Variants in CMC2 observed in about 807,000 individuals in gnomAD.
The protein encoded by CMC2 is C-X9-C motif containing 2.
CMC2 carries 5 observed loss-of-function variants against 7.5 expected under a neutral mutation model. The observed-to-expected ratio is 0.66, with a 90% confidence interval of 0.35 to 1.40. The LOEUF (loss-of-function observed/expected upper bound fraction) is 1.40. Ranked by LOEUF, CMC2 falls within the 40% of genes most tolerant of loss-of-function variation. The pLI, the probability that CMC2 is intolerant of heterozygous loss-of-function variation, is 0.04. For missense variants in CMC2, 115 were observed against 92.3 expected, an observed-to-expected ratio of 1.25 and a Z score of -1.01; for synonymous variants, 37 against 31.4, an observed-to-expected ratio of 1.18 and a Z score of -0.60.
chr16:80,985,531 AT>A (rs1468553321), intron 2 of CMC2, among the ~76,000 whole-genome samples: 1 of 152,126 alleles, frequency 6.6e-6, no homozygotes, highest in Non-Finnish European at 1.5e-5. Flanking sequence ...TTTTAAAATA[AT>A]TTTTTCTTCA....
chr16:81,002,756 C>T (rs1043223375), intron 1 of CMC2, among the ~76,000 whole-genome samples: 12 of 152,314 alleles, frequency 7.9e-5, no homozygotes, highest in East Asian at 3.9e-4. Flanking sequence ...ACCAATAAAA[C>T]GTCTTCCCTT....
chr16:80,990,069 C>T (rs1012331678), intron 2 of CMC2, among the ~76,000 whole-genome samples: 1 of 150,744 alleles, frequency 6.6e-6, no homozygotes, highest in Admixed American at 6.7e-5. Context: ...TTTGAGTTTT[C>T]TTCCCAACTC....
intron 1 of CMC2, chr16:81,006,531 G>T (rs1295929463): frequency 5.2e-6 from 1 of 192,116 alleles, no homozygotes; most frequent in African/African-American, 2.4e-5. Context: ...GGCCACCAGC[G>T]TGTTCCAGCG....
At position 80,975,917 on chromosome 16, in the gene CMC2, G is replaced by A. The variant is rs1218581349; in HGVS notation, c.*176C>T. On this transcript the variant is annotated 3_prime_UTR_variant, in exon 4 of 4. Coordinates refer to ENST00000219400, the MANE Select transcript of CMC2 (RefSeq NM_020188.5). The stretch of plus-strand genomic sequence containing the variant: ...TGGTAAAGGGGAGACAGTACTAAAC[G>A]CCCTGCCCAACAAATACTCAGAATC... The A allele has an allele frequency of 3.5e-6, 2 of 574,390 alleles. No individual in the cohort carries two copies. Among genetic ancestry groups the A allele is most frequent in the Non-Finnish European group, 6.1e-6 (2 of 325,624 alleles). 35.6% of individuals were successfully genotyped at this position (574,390 alleles called of 1,614,324 possible).
chr16:80,988,652 A>G, intron 2 of CMC2: 1 of 696,234 alleles, frequency 1.4e-6, no homozygotes, highest in Non-Finnish European at 2.6e-6. Context: ...AAATTAGGAA[A>G]TTAACATTAA....
intron 2 of CMC2, among the ~76,000 whole-genome samples, chr16:80,984,570 C>G (rs1567513453): frequency 6.6e-6 from 1 of 152,064 alleles, no homozygotes; most frequent in East Asian, 1.9e-4. Flanking sequence ...ACTTTTTGTA[C>G]TTAATTTTTA....
rs1460409095 is a variant in CMC2, at chr16:80,972,573, T to C, written c.*3520A>G. 2 of 152,162 alleles carry C rather than the reference T, an allele frequency of 1.3e-5. No individual in the cohort carries two copies. The highest frequency in any genetic ancestry group is 2.4e-5 in the African/African-American group (1 of 41,432). The allele number at this position is 152,162 out of a possible 1,614,324, so 9.4% of individuals were successfully genotyped here. A position where few individuals can be genotyped will look rare whatever the true frequency, so the allele number is the denominator to read the frequency against. ...TTTCTAGCCTCACTCTTAAGTAAAA[T>C]TGTGTAGTGCTTCCTAAAATAAACC... On this transcript the variant is annotated 3_prime_UTR_variant, in exon 4 of 4. Coordinates refer to ENST00000219400, the MANE Select transcript of CMC2 (RefSeq NM_020188.5).
At chr16:80,992,167 T>C (rs948423416) in intron 2 of CMC2, among the ~76,000 whole-genome samples, 3 of 152,172 alleles carry the variant, frequency 2.0e-5, no homozygotes, top group Non-Finnish European at 4.4e-5. Context: ...TCTAAAACTG[T>C]TCTAAAAAAA....
In CMC2 at chr16:80,997,363, G is replaced by A. The variant is rs2303217; in HGVS notation, c.32C>T (p.Thr11Ile). Reference sequence around the variant, plus strand: ...GTTAATCAAGACGTTGCATTCTTCAGTGTGCAAGTGTGGAGATAAGTCAGG... The same window carrying A: ...GTTAATCAAGACGTTGCATTCTTCAATGTGCAAGTGTGGAGATAAGTCAGG... MHPDLSPHLH[T>I]EECNVLINLL... is the part of the protein sequence containing the mutation. Residue 11 changes from threonine to isoleucine, a missense_variant, in exon 2 of 4, where the codon ACT (threonine) becomes ATT (isoleucine). Physicochemically the swap from Thr to Ile is moderately conservative, Grantham distance 89. Transcript: ENST00000219400. 12 of 1,607,360 alleles carry A rather than the reference G, an allele frequency of 7.5e-6. No individual in the cohort carries two copies. Among genetic ancestry groups the A allele is most frequent in the Non-Finnish European group, 1.0e-5 (12 of 1,175,626 alleles).
chr16:81,006,872 C>A lies in CMC2; in HGVS notation c.-174G>T, dbSNP rs1477205667. 5 of 986,164 alleles carry A rather than the reference C, an allele frequency of 5.1e-6. No homozygotes were observed. Among genetic ancestry groups the A allele is most frequent in the South Asian group, 9.4e-5 (2 of 21,300 alleles). The allele number at this position is 986,164 out of a possible 1,614,324, so 61.1% of individuals were successfully genotyped here. Reference sequence around the variant, plus strand: ...CCAGTGACGCCCTCCACCGCTCCACCGTGCTCCCGGCTCCTCGCCCCCGCC... The same window carrying A: ...CCAGTGACGCCCTCCACCGCTCCACAGTGCTCCCGGCTCCTCGCCCCCGCC... On this transcript the variant is annotated 5_prime_UTR_variant, in exon 1 of 4. Coordinates refer to ENST00000219400, the MANE Select transcript of CMC2 (RefSeq NM_020188.5).
intron 2 of CMC2, among the ~76,000 whole-genome samples, chr16:80,993,723 C>T (rs1968193594): frequency 6.6e-6 from 1 of 151,958 alleles, no homozygotes; most frequent in South Asian, 2.1e-4. Flanking sequence ...GCCAGCTATG[C>T]CCTAAAAATA....
rs1911742170 is a variant in CMC2 at position 80,969,048 on chromosome 16, G to GA, written c.*7044dup. 6.6e-6 allele frequency: 1 copy of GA among 152,190 alleles called. No individual in the cohort carries two copies. Among genetic ancestry groups the GA allele is most frequent in the Non-Finnish European group, 1.5e-5 (1 of 68,036 alleles). 9.4% of individuals were successfully genotyped at this position (152,190 alleles called of 1,614,324 possible). A position where few individuals can be genotyped will look rare whatever the true frequency, so the allele number is the denominator to read the frequency against. ...TGTGACTCACCTTGGGCTCTGAGCA[G>GA]AAAAAATATGTTTCCCATTGGTAAG... On this transcript the variant is annotated 3_prime_UTR_variant, in exon 4 of 4. Coordinates refer to ENST00000219400, the MANE Select transcript of CMC2 (RefSeq NM_020188.5).
At chr16:80,988,027 A>G (rs1967674546) in intron 2 of CMC2, among the ~76,000 whole-genome samples, 1 of 151,904 alleles carries the variant, frequency 6.6e-6, no homozygotes, top group Non-Finnish European at 1.5e-5. Flanking sequence ...AAAAAAAAAA[A>G]AATTGAATTA....
At chr16:80,978,372 A>G in intron 3 of CMC2, 1 of 1,270,218 alleles carries the variant, frequency 7.9e-7, no homozygotes, top group South Asian at 1.3e-5. Flanking sequence ...TATAGTCTAC[A>G]TTAAAATATG....
intron 2 of CMC2, among the ~76,000 whole-genome samples, chr16:80,985,893 T>A (rs1461039642): frequency 7.8e-5 from 5 of 63,706 alleles, no homozygotes; most frequent in African/African-American, 2.8e-4. Flanking sequence ...CATTCTCCCA[T>A]ATACCTGCAA....
At chr16:80,995,499 T>TA (rs1269098830) in intron 2 of CMC2, among the ~76,000 whole-genome samples, 7 of 151,536 alleles carry the variant, frequency 4.6e-5, no homozygotes, top group African/African-American at 9.7e-5. Context: ...CTACTAAAGA[T>TA]AAAAAAAATT....
Position 80,974,001 on chromosome 16 carries a change from T to C in CMC2, c.*2092A>G, listed in dbSNP as rs1388265679. 1 of 152,138 alleles carries C rather than the reference T, an allele frequency of 6.6e-6. No homozygotes were observed. Among genetic ancestry groups the C allele is most frequent in the Admixed American group, 6.5e-5 (1 of 15,280 alleles). The allele number at this position is 152,138 out of a possible 1,614,324, so 9.4% of individuals were successfully genotyped here. A position where few individuals can be genotyped will look rare whatever the true frequency, so the allele number is the denominator to read the frequency against. On this transcript the variant is annotated 3_prime_UTR_variant, in exon 4 of 4. Coordinates refer to ENST00000219400, the MANE Select transcript of CMC2 (RefSeq NM_020188.5). ...TAGCTGGCATCTGCATGCTGACATC[T>C]CCCAATTTTGTTCTAATCCAGGTGA...
At chr16:81,002,292 G>C (rs1028668471) in intron 1 of CMC2, among the ~76,000 whole-genome samples, 1 of 152,062 alleles carries the variant, frequency 6.6e-6, no homozygotes, top group Non-Finnish European at 1.5e-5. Flanking sequence ...TGGGCGTGTT[G>C]GTGGGCGCCT....
Position 80,967,305 on chromosome 16 carries a change from G to C in CMC2, c.*8788C>G, listed in dbSNP as rs1597198991. 6.6e-6 allele frequency: 1 copy of C among 152,274 alleles called. No individual in the cohort carries two copies. The highest frequency in any genetic ancestry group is 2.4e-5 in the African/African-American group (1 of 41,436). The allele number at this position is 152,274 out of a possible 1,614,324, so 9.4% of individuals were successfully genotyped here. A position where few individuals can be genotyped will look rare whatever the true frequency, so the allele number is the denominator to read the frequency against. On this transcript the variant is annotated 3_prime_UTR_variant, in exon 4 of 4. Transcript: ENST00000219400. ...ATCCCTAGAGAATTTTCCTTTAATT[G>C]TATCTGCTTTGAAAAGATATCCTCG...
Sources: allele counts gnomAD v4.1 joint callset (sites outside exome capture counted in the v4.1 genomes callset), GRCh38; gene constraint gnomAD v4.1.1; transcripts MANE v1.5; gene names NCBI Gene and HGNC (gene_info 2026-07-23, HGNC 2026-07-21).